NR2C2: variants seen among roughly 807,000 people sequenced by gnomAD.
NR2C2 encodes Nuclear hormone receptor TR4.
Under a neutral mutation model 62.9 loss-of-function variants are expected in NR2C2, and 6 were observed. That is an observed-to-expected ratio of 0.10 (90% confidence interval 0.05 to 0.19). The LOEUF is 0.19. NR2C2 is among the 10% of genes least tolerant of loss of function. The pLI, the probability that NR2C2 is intolerant of heterozygous loss-of-function variation, is 1.00. For missense variants in NR2C2, 479 were observed against 762.7 expected, an observed-to-expected ratio of 0.63 and a Z score of 4.38; for synonymous variants, 272 against 273.8, an observed-to-expected ratio of 0.99 and a Z score of 0.07.
rs537609502 is a variant in NR2C2 at position 15,043,360 on chromosome 3, G to GTA, written c.*365_*366dup. The GTA allele has an allele frequency of 2.8e-3, 445 of 158,060 alleles. 3 individuals carry two copies. Among genetic ancestry groups the GTA allele is most frequent in the East Asian group, 6.6e-3 (36 of 5,464 alleles). The allele number at this position is 158,060 out of a possible 1,614,324, so 9.8% of individuals were successfully genotyped here. A position where few individuals can be genotyped will look rare whatever the true frequency, so the allele number is the denominator to read the frequency against. On this transcript the variant is annotated 3_prime_UTR_variant, in exon 14 of 14. Coordinates refer to ENST00000425241, the MANE Select transcript of NR2C2 (RefSeq NM_001291694.2). ...AAGAACCTGAGAGAATAGTATGTGT[G>GTA]TATATATATATATAAAAAAGTCCTT...
intron 1 of NR2C2, among the ~76,000 whole-genome samples, chr3:14,971,657 TTTG>T (rs1462457900): frequency 6.6e-6 from 1 of 151,600 alleles, no homozygotes; most frequent in Non-Finnish European, 1.5e-5. Context: ...TATTTGTTGT[TTTG>T]TTTTTTGATA....
intron 1 of NR2C2, among the ~76,000 whole-genome samples, chr3:14,989,891 T>C (rs539827736): frequency 8.4e-6 from 1 of 118,454 alleles, no homozygotes; most frequent in African/African-American, 3.3e-5. Flanking sequence ...GAGATTGCAC[T>C]CCAGCCTGGG....
Position 14,947,923 on chromosome 3 carries a change from G to A in NR2C2, c.-40+17G>A, listed in dbSNP as rs1264946507. The A allele has an allele frequency of 2.7e-5, 4 of 149,450 alleles. No individual in the cohort carries two copies. The highest frequency in any genetic ancestry group is 6.0e-5 in the Non-Finnish European group (4 of 67,112). 9.3% of individuals were successfully genotyped at this position (149,450 alleles called of 1,614,324 possible). A position where few individuals can be genotyped will look rare whatever the true frequency, so the allele number is the denominator to read the frequency against. ...AATCCTGAGGTAAAATTGAAAGAGG[G>A]TCGGGCGGGCTCGGGCCGGCGGCGG... On this transcript the variant is annotated intron_variant, in intron 1 of 13. Coordinates refer to ENST00000425241, the MANE Select transcript of NR2C2 (RefSeq NM_001291694.2).
intron 1 of NR2C2, among the ~76,000 whole-genome samples, chr3:14,955,565 T>C (rs2039500439): frequency 6.6e-6 from 1 of 152,202 alleles, no homozygotes; most frequent in South Asian, 2.1e-4. Flanking sequence ...CATCGCTTAG[T>C]AGCTGGATGA....
At chr3:15,032,338 C>T (rs375851670) in intron 9 of NR2C2, 41 bp from the exon 10 acceptor site, 10 of 1,613,232 alleles carry the variant, frequency 6.2e-6, no homozygotes, top group Non-Finnish European at 8.5e-6. Flanking sequence ...CATCCCCTGT[C>T]CTTCCTTCAC....
intron 11 of NR2C2, 89 bp downstream of exon 11, chr3:15,034,898 G>A: frequency 7.5e-7 from 1 of 1,341,568 alleles, no homozygotes; most frequent in Non-Finnish European, 1.0e-6. Context: ...GGAGGCTCAT[G>A]TCAAAGACAC....
chr3:14,960,566 C>T (rs2039663199), intron 1 of NR2C2, among the ~76,000 whole-genome samples: 1 of 152,166 alleles, frequency 6.6e-6, no homozygotes, highest in South Asian at 2.1e-4. Flanking sequence ...TAGAAAGATA[C>T]ACCTTTCTAG....
intron 7 of NR2C2, chr3:15,025,920 A>G (rs967890055): frequency 1.3e-5 from 2 of 152,020 alleles, no homozygotes; most frequent in Non-Finnish European, 2.9e-5. Context: ...TCTGTTTATG[A>G]CCTTTTCTAC....
At chr3:14,969,869 A>G (rs1242984396) in intron 1 of NR2C2, among the ~76,000 whole-genome samples, 2 of 152,190 alleles carry the variant, frequency 1.3e-5, no homozygotes, top group Non-Finnish European at 2.9e-5. Flanking sequence ...ATGTAAGGGA[A>G]TGTTTAAAAA....
chr3:15,023,138 C>G (rs1021838462), intron 5 of NR2C2, 62 bp from the exon 6 acceptor site: 5 of 1,579,954 alleles, frequency 3.2e-6, no homozygotes, highest in Non-Finnish European at 2.6e-6. Flanking sequence ...GGGGTTTTCC[C>G]TTGTGGTTTT....
At position 15,048,451 on chromosome 3, in the gene NR2C2, CAG is replaced by C. The variant is rs1352859428; in HGVS notation, c.*5445_*5446del. Reference sequence around the variant, plus strand: ...AGTATCTTTGCGGGGAGAAAAATGTCAGATATTTTTAATGCCCAGCTATAAAT... The same window carrying C: ...AGTATCTTTGCGGGGAGAAAAATGTCATATTTTTAATGCCCAGCTATAAAT... On this transcript the variant is annotated 3_prime_UTR_variant, in exon 14 of 14. Coordinates refer to ENST00000425241, the MANE Select transcript of NR2C2 (RefSeq NM_001291694.2). The C allele has an allele frequency of 6.6e-6, 1 of 152,496 alleles. No individual in the cohort carries two copies. Among genetic ancestry groups the C allele is most frequent in the African/African-American group, 2.4e-5 (1 of 41,402 alleles). 9.4% of individuals were successfully genotyped at this position (152,496 alleles called of 1,614,324 possible).
intron 1 of NR2C2, among the ~76,000 whole-genome samples, chr3:14,987,637 A>G (rs1300455278): frequency 6.6e-6 from 1 of 152,206 alleles, no homozygotes; most frequent in Non-Finnish European, 1.5e-5. Context: ...TTCCTCCATA[A>G]TGCTTCTCAT....
intron 1 of NR2C2, among the ~76,000 whole-genome samples, chr3:14,988,865 C>G (rs1455555177): frequency 2.6e-5 from 4 of 152,110 alleles, no homozygotes; most frequent in Non-Finnish European, 4.4e-5. Context: ...TGTTAGTGCA[C>G]ATGCAAACTT....
At chr3:15,033,295 G>T (rs148705718) in intron 10 of NR2C2, among the ~76,000 whole-genome samples, 40 of 152,298 alleles carry the variant, frequency 2.6e-4, no homozygotes, top group African/African-American at 8.4e-4. Context: ...CAGCTGTGTG[G>T]CCTTGTGCAA....
At chr3:14,951,436 T>C (rs892652825) in intron 1 of NR2C2, among the ~76,000 whole-genome samples, 1 of 152,208 alleles carries the variant, frequency 6.6e-6, no homozygotes, top group African/African-American at 2.4e-5. Context: ...TGTAAAACTT[T>C]TAAAATAAGA....
intron 1 of NR2C2, among the ~76,000 whole-genome samples, chr3:14,959,900 G>A (rs2039643561): frequency 6.6e-6 from 1 of 152,184 alleles, no homozygotes; most frequent in South Asian, 2.1e-4. Context: ...GGCAGAGATG[G>A]CATTTCAGAT....
chr3:14,950,872 C>T (rs572927848), intron 1 of NR2C2, among the ~76,000 whole-genome samples: 3 of 152,282 alleles, frequency 2.0e-5, no homozygotes, highest in Admixed American at 2.0e-4. Context: ...GCCTCTTTGG[C>T]AATTCAGATA....
chr3:14,993,101 A>G (rs2040715028), intron 1 of NR2C2, among the ~76,000 whole-genome samples: 1 of 152,226 alleles, frequency 6.6e-6, no homozygotes, highest in African/African-American at 2.4e-5. Context: ...TAATATTTTT[A>G]TATCCTTTTT....
chr3:15,016,033 C>T (rs1278922945), intron 3 of NR2C2, 119 bp from the exon 4 acceptor site: 2 of 709,708 alleles, frequency 2.8e-6, no homozygotes, highest in Admixed American at 4.5e-5. Flanking sequence ...AACTCCCGAC[C>T]TCAAGTGATC....
Sources: allele counts gnomAD v4.1 joint callset (sites outside exome capture counted in the v4.1 genomes callset), GRCh38; gene constraint gnomAD v4.1.1; transcripts MANE v1.5; gene names NCBI Gene and HGNC (gene_info 2026-07-23, HGNC 2026-07-21).